The following DAP3 variants were observed in gnomAD, a reference collection of about 807,000 sequenced individuals.
DAP3 encodes the protein death associated protein 3.
A neutral mutation model predicts 51.9 loss-of-function variants in DAP3; 28 were observed. That is an observed-to-expected ratio of 0.54 (90% confidence interval 0.40 to 0.74). DAP3 has a LOEUF of 0.74. DAP3 is among the 30% of genes least tolerant of loss of function. The probability of loss-of-function intolerance (pLI) is 0.00; values close to 1 mark genes in which losing one functional copy is unlikely to be tolerated. For missense variants in DAP3, 458 were observed against 483.5 expected (o/e 0.95, Z 0.49); for synonymous variants, 170 against 170.3 (o/e 1.00, Z 0.01).
chr1:155,737,768 A>C (rs995699203), intron 12 of DAP3, among the ~76,000 whole-genome samples: 2 of 136,596 alleles, frequency 1.5e-5, no homozygotes, highest in African/African-American at 5.1e-5. Context: ...CTATTGAAAA[A>C]AGCAAAAAAA....
At chr1:155,734,570 T>G (rs1659569363) in intron 11 of DAP3, among the ~76,000 whole-genome samples, 1 of 152,184 alleles carries the variant, frequency 6.6e-6, no homozygotes, top group Non-Finnish European at 1.5e-5. Context: ...GAATCTCCAT[T>G]TCTCCAAAGA....
At chr1:155,727,483 A>AAG in intron 6 of DAP3, 125 bp from the exon 7 acceptor site, 1 of 1,085,864 alleles carries the variant, frequency 9.2e-7, no homozygotes, top group Admixed American at 3.4e-5. Flanking sequence ...AAAAAAAAAA[A>AAG]AAAGAAAAGA....
chr1:155,721,437 T>C, intron 3 of DAP3, 80 bp from the exon 4 acceptor site: 1 of 1,069,970 alleles, frequency 9.3e-7, no homozygotes, highest in Non-Finnish European at 1.4e-6. Flanking sequence ...CATACATATA[T>C]ACACACACAT....
chr1:155,688,004 A>G (rs1652765255), upstream of DAP3: 17 of 1,490,462 alleles, frequency 1.1e-5, no homozygotes, highest in Non-Finnish European at 1.5e-5. Flanking sequence ...TGGCTCCCAG[A>G]AAGCCCAGGA....
chr1:155,689,129 A>T lies in DAP3; in HGVS notation c.-53A>T, dbSNP rs1257151680. Reference sequence around the variant, plus strand: ...GGGCGCTTTGGAGCCGGCCCCAGGCAGCGTGTGTCGGTCGCCTAGTCTGGA... The same window carrying T: ...GGGCGCTTTGGAGCCGGCCCCAGGCTGCGTGTGTCGGTCGCCTAGTCTGGA... On this transcript the variant is annotated 5_prime_UTR_variant, in exon 1 of 13. Transcript: ENST00000368336. The T allele has an allele frequency of 2.4e-5, 24 of 1,008,810 alleles. No homozygotes were observed. Among genetic ancestry groups the T allele is most frequent in the Non-Finnish European group, 3.3e-5 (22 of 671,508 alleles). The allele number at this position is 1,008,810 out of a possible 1,614,324, so 62.5% of individuals were successfully genotyped here.
intron 4 of DAP3, 35 bp from the exon 5 acceptor site, chr1:155,725,347 C>A (rs1384680916): frequency 6.3e-7 from 1 of 1,595,688 alleles, no homozygotes; most frequent in African/African-American, 1.3e-5. Context: ...TCCTTCCACA[C>A]CCACCCACTC....
chr1:155,706,550 T>C (rs1482461940), intron 1 of DAP3, among the ~76,000 whole-genome samples: 1 of 151,984 alleles, frequency 6.6e-6, no homozygotes, highest in East Asian at 1.9e-4. Context: ...GAGGATCACC[T>C]GAGGTCAGGA....
chr1:155,736,424 T>G (rs1380608322), intron 11 of DAP3, among the ~76,000 whole-genome samples: 4 of 152,162 alleles, frequency 2.6e-5, no homozygotes, highest in African/African-American at 7.2e-5. Context: ...TTGCCTTTTT[T>G]TTTGTGTGTG....
intron 1 of DAP3, among the ~76,000 whole-genome samples, chr1:155,703,792 A>C (rs1055617956): frequency 5.3e-5 from 8 of 152,184 alleles, no homozygotes; most frequent in Admixed American, 2.0e-4. Context: ...CCACGTTGGC[A>C]TCCCAGAGTG....
chr1:155,692,655 G>A (rs933756465), intron 1 of DAP3, among the ~76,000 whole-genome samples: 2 of 141,902 alleles, frequency 1.4e-5, no homozygotes, highest in African/African-American at 3.2e-5. Flanking sequence ...CCTTTAATTT[G>A]GCTATATTCA....
intron 1 of DAP3, among the ~76,000 whole-genome samples, chr1:155,705,040 C>T (rs1282853340): frequency 2.0e-5 from 3 of 152,090 alleles, no homozygotes; most frequent in African/African-American, 7.2e-5. Flanking sequence ...ACCTGTAATC[C>T]CAGCACTTCG....
intron 1 of DAP3, among the ~76,000 whole-genome samples, chr1:155,703,126 C>G (rs918109984): frequency 1.3e-5 from 2 of 152,156 alleles, no homozygotes; most frequent in African/African-American, 4.8e-5. Context: ...TTGGGCTATT[C>G]TAGGTCTGTT....
chr1:155,694,433 C>T (rs796104582), intron 1 of DAP3, among the ~76,000 whole-genome samples: 1 of 141,690 alleles, frequency 7.1e-6, no homozygotes, highest in Non-Finnish European at 1.5e-5. Context: ...CACAGGGAGA[C>T]TTACCACCAT....
intron 5 of DAP3, 103 bp from the exon 6 acceptor site, chr1:155,725,824 A>G (rs1223795476): frequency 9.8e-7 from 1 of 1,020,440 alleles, no homozygotes; most frequent in African/African-American, 1.6e-5. Flanking sequence ...ATATCAAGCC[A>G]CTGCACTCCA....
chr1:155,698,913 C>T (rs939667346), intron 1 of DAP3, among the ~76,000 whole-genome samples: 1 of 152,184 alleles, frequency 6.6e-6, no homozygotes, highest in African/African-American at 2.4e-5. Context: ...TCTGTCGGTC[C>T]TCCATTTCAC....
chr1:155,724,029 A>G (rs1482505621), intron 4 of DAP3, among the ~76,000 whole-genome samples: 3 of 145,594 alleles, frequency 2.1e-5, no homozygotes, highest in African/African-American at 5.3e-5. Context: ...ACAGAGCGAG[A>G]CTCTGTCTCA....
intron 1 of DAP3, among the ~76,000 whole-genome samples, chr1:155,703,600 T>A (rs895217392): frequency 6.6e-6 from 1 of 152,154 alleles, no homozygotes. Flanking sequence ...TGCAGTGGCA[T>A]GAACTTGGCT....
Position 155,735,174 on chromosome 1 carries a change from C to T in DAP3, c.994-1772C>T, listed in dbSNP as rs1008490265. Among the ~76,000 whole-genome samples, 4 of 151,566 alleles carry T rather than the reference C, an allele frequency of 2.6e-5. No homozygotes were observed. The South Asian group carries it at 6.3e-4, about 24-fold the overall frequency. On this transcript the variant is annotated intron_variant, in intron 11 of 12. Transcript: ENST00000368336. ...GGGGCGCCTATAGTCCCAGATACTC[C>T]GAAGGCTGAGGTGGGAGAATCGCTT...
chr1:155,717,941 T>A (rs1314869328), intron 3 of DAP3, among the ~76,000 whole-genome samples: 1 of 152,066 alleles, frequency 6.6e-6, no homozygotes, highest in Non-Finnish European at 1.5e-5. Flanking sequence ...TGAAATTAAT[T>A]TGTGGTGTGT....
Sources: gnomAD v4.1 joint callset for allele counts (sites outside exome capture counted in the v4.1 genomes callset) on GRCh38, gnomAD v4.1.1 for gene constraint, MANE v1.5 for transcripts, NCBI Gene and HGNC (gene_info 2026-07-23, HGNC 2026-07-21) for gene names.